Variants in KCNQ1 observed in about 807,000 individuals in gnomAD.
KCNQ1 encodes potassium voltage-gated channel subfamily KQT member 1.
A neutral mutation model predicts 72.4 loss-of-function variants in KCNQ1; 49 were observed. The ratio of observed to expected loss-of-function variants is 0.68; its 90% CI spans 0.54 to 0.86. The LOEUF is 0.86. KCNQ1 is among the 40% of genes least tolerant of loss of function. KCNQ1 has a pLI of 0.00. For missense variants in KCNQ1, 790 were observed against 945.1 expected, an observed-to-expected ratio of 0.84 and a Z score of 2.15; for synonymous variants, 450 against 412.6, an observed-to-expected ratio of 1.09 and a Z score of -1.10.
intron 7 of KCNQ1, among the ~76,000 whole-genome samples, chr11:2,583,748 G>T (rs1359861241): frequency 2.0e-5 from 3 of 152,230 alleles, no homozygotes; most frequent in African/African-American, 7.2e-5. Flanking sequence ...CCCCACTGGG[G>T]TCCTTGCAGG....
In KCNQ1 at chr11:2,686,690, C is replaced by A. The variant is rs1422465334; in HGVS notation, c.1514+24609C>A. 18 of 398,508 alleles carry A rather than the reference C, an allele frequency of 4.5e-5. 1 individual carries two copies. Among genetic ancestry groups the A allele is most frequent in the Non-Finnish European group, 6.6e-5 (15 of 226,096 alleles). The allele number at this position is 398,508 out of a possible 1,614,324, so 24.7% of individuals were successfully genotyped here. ...GTGTGGGTCCCAGTTGGATGACAAACCCATGTTCAAGGCTGGGAAGTCCTA... is the reference window on the plus strand; with the variant it reads ...GTGTGGGTCCCAGTTGGATGACAAAACCATGTTCAAGGCTGGGAAGTCCTA... On this transcript the variant is annotated intron_variant, in intron 11 of 15. Transcript: ENST00000155840.
rs112225903 is a variant in KCNQ1 at position 2,767,379 on chromosome 11, G to T, written c.1515-1465G>T. ...TACATTCCCCAGTACTCTTTCATCA[G>T]TGAAGTCACAAGGTGACCCCAAATT... On this transcript the variant is annotated intron_variant, in intron 11 of 15. Coordinates refer to ENST00000155840, the MANE Select transcript of KCNQ1 (RefSeq NM_000218.3). The surrounding 1 kb of genome is among the most constrained non-coding windows in gnomAD (Gnocchi z 4.6). Among the ~76,000 whole-genome samples, 1 of 152,114 alleles carries T rather than the reference G, an allele frequency of 6.6e-6. No homozygotes were observed. The highest frequency in any genetic ancestry group is 1.5e-5 in the Non-Finnish European group (1 of 68,030).
Position 2,493,416 on chromosome 11 carries a change from G to A in KCNQ1, c.387-34512G>A, listed in dbSNP as rs941236697. ...TTGCTCTTGGTGTTTTAGTCATGAA[G>A]TCCTTGCCCATGCCTATGTCCTGAA... On this transcript the variant is annotated intron_variant, in intron 1 of 15. Coordinates refer to ENST00000155840, the MANE Select transcript of KCNQ1 (RefSeq NM_000218.3). This position sits in a 1 kb window ranked among gnomAD's most constrained non-coding sequence, Gnocchi z 5.3. 6.6e-6 allele frequency among the ~76,000 whole-genome samples: 1 copy of A among 152,118 alleles called. No individual in the cohort carries two copies. The highest frequency in any genetic ancestry group is 1.5e-5 in the Non-Finnish European group (1 of 68,026).
At chr11:2,514,229 G>A (rs1241079646) in intron 1 of KCNQ1, among the ~76,000 whole-genome samples, 1 of 152,238 alleles carries the variant, frequency 6.6e-6, no homozygotes, top group Non-Finnish European at 1.5e-5. Flanking sequence ...TTCCGTGCAG[G>A]ACACTGGCTG....
At chr11:2,811,929 T>C (rs1248075897) in intron 15 of KCNQ1, among the ~76,000 whole-genome samples, 10 of 152,116 alleles carry the variant, frequency 6.6e-5, no homozygotes, top group African/African-American at 2.2e-4. Context: ...AGTGGGACAG[T>C]CCTCACAGGG....
At position 2,588,623 on chromosome 11, in the gene KCNQ1, T is replaced by G; in HGVS notation, c.1252-90T>G. On this transcript the variant is annotated intron_variant, in intron 9 of 15. Transcript: ENST00000155840. The surrounding 1 kb of genome is among the most constrained non-coding windows in gnomAD (Gnocchi z 5.6). ...CGGGTGTATGTGGCGGGGGCTGGGC[T>G]CGGGGCGGCTGCACAGGCACTCTGG... 6.5e-7 allele frequency: 1 copy of G among 1,532,452 alleles called. No homozygotes were observed. Among genetic ancestry groups the G allele is most frequent in the Non-Finnish European group, 8.9e-7 (1 of 1,118,774 alleles). 94.9% of individuals were successfully genotyped at this position (1,532,452 alleles called of 1,614,324 possible). A position where few individuals can be genotyped will look rare whatever the true frequency, so the allele number is the denominator to read the frequency against.
At chr11:2,719,620 G>A (rs1564870527) in intron 11 of KCNQ1, among the ~76,000 whole-genome samples, 1 of 152,170 alleles carries the variant, frequency 6.6e-6, no homozygotes, top group Admixed American at 6.5e-5. Context: ...TCACCCAAAT[G>A]CTGCCTGCTG....
In KCNQ1 at chr11:2,458,755, G is replaced by A. The variant is rs563110119; in HGVS notation, c.386+13271G>A. ...GGAAATACTCGGGCCAGAGGAACGCGCTAAATGATACTACAGGAGGCCACT... is the reference window on the plus strand; with the variant it reads ...GGAAATACTCGGGCCAGAGGAACGCACTAAATGATACTACAGGAGGCCACT... On this transcript the variant is annotated intron_variant, in intron 1 of 15. Transcript: ENST00000155840. This position sits in a 1 kb window ranked among gnomAD's most constrained non-coding sequence, Gnocchi z 4.6. 1.1e-4 allele frequency among the ~76,000 whole-genome samples: 17 copies of A among 152,288 alleles called. No homozygotes were observed. The highest frequency in any genetic ancestry group is 3.9e-4 in the East Asian group (2 of 5,180).
intron 10 of KCNQ1, chr11:2,616,571 C>A: frequency 2.5e-6 from 1 of 398,032 alleles, no homozygotes; most frequent in South Asian, 1.3e-4. Context: ...TCCCATAAGT[C>A]TGAGTATGTT....
In KCNQ1 at chr11:2,550,615, C is replaced by A. The variant is rs1259368908; in HGVS notation, c.478-20013C>A. On this transcript the variant is annotated intron_variant, in intron 2 of 15. Coordinates refer to ENST00000155840, the MANE Select transcript of KCNQ1 (RefSeq NM_000218.3). The surrounding 1 kb of genome is among the most constrained non-coding windows in gnomAD (Gnocchi z 6.0). ...TGAGCTGAGTGACCGGAAGAGGGGGCGCCTCCCTGAGCAGGTGAATGAAGG... is the reference window on the plus strand; with the variant it reads ...TGAGCTGAGTGACCGGAAGAGGGGGAGCCTCCCTGAGCAGGTGAATGAAGG... Among the ~76,000 whole-genome samples, 1 of 152,096 alleles carries A rather than the reference C, an allele frequency of 6.6e-6. No homozygotes were observed. The highest frequency in any genetic ancestry group is 6.5e-5 in the Admixed American group (1 of 15,278).
In KCNQ1 at chr11:2,700,745, C is replaced by T. The variant is rs375772717; in HGVS notation, c.1514+38664C>T. On this transcript the variant is annotated intron_variant, in intron 11 of 15. Transcript: ENST00000155840. ...AGCGCCGAGGGCGCCCCGCGCCTGCCAGCGCCCGGCCGGGCCCGCCCTGCC... is the reference window on the plus strand; with the variant it reads ...AGCGCCGAGGGCGCCCCGCGCCTGCTAGCGCCCGGCCGGGCCCGCCCTGCC... Among the ~76,000 whole-genome samples the T allele has an allele frequency of 9.4e-4, 143 of 152,244 alleles. 4 individuals carry two copies. In the South Asian group the frequency reaches 0.029, roughly 30 times the overall value.
rs1200376110 is a variant in KCNQ1, at chr11:2,683,930, TAGTC to T, written c.1514+21852_1514+21855del. On this transcript the variant is annotated intron_variant, in intron 11 of 15. Coordinates refer to ENST00000155840, the MANE Select transcript of KCNQ1 (RefSeq NM_000218.3). This position sits in a 1 kb window ranked among gnomAD's most constrained non-coding sequence, Gnocchi z 4.7. ...GGTGCATGCTCTGTGACACGTTTCATAGTCAGACAAAACCAGCTGACTGCTTTTA... is the reference window on the plus strand; with the variant it reads ...GGTGCATGCTCTGTGACACGTTTCATAGACAAAACCAGCTGACTGCTTTTA... 14 of 397,056 alleles carry T rather than the reference TAGTC, an allele frequency of 3.5e-5. No individual in the cohort carries two copies. Among genetic ancestry groups the T allele is most frequent in the South Asian group, 1.3e-4 (1 of 7,834 alleles). 24.6% of individuals were successfully genotyped at this position (397,056 alleles called of 1,614,324 possible).
rs1850261996 is a variant in KCNQ1, at chr11:2,674,803, A to AT, written c.1514+12722_1514+12723insT. 2.5e-6 allele frequency: 1 copy of AT among 396,158 alleles called. No homozygotes were observed. The highest frequency in any genetic ancestry group is 4.5e-5 in the Admixed American group (1 of 22,408). 24.5% of individuals were successfully genotyped at this position (396,158 alleles called of 1,614,324 possible). ...ACTCTCGCCAACTGCTGGCCTTTGG[A>AT]AAGGCTTGTCACCCTAATAGCTGTT... is the stretch of plus-strand genomic sequence containing the variant. On this transcript the variant is annotated intron_variant, in intron 11 of 15. Transcript: ENST00000155840. This position sits in a 1 kb window ranked among gnomAD's most constrained non-coding sequence, Gnocchi z 5.9.
At chr11:2,616,495 CCTT>C (rs1046572223) in intron 10 of KCNQ1, 24 of 397,324 alleles carry the variant, frequency 6.0e-5, no homozygotes, top group African/African-American at 3.9e-4. Flanking sequence ...GGTTATGGAT[CCTT>C]CTTCTTTTTC....
chr11:2,841,292 G>T (rs542840376), intron 15 of KCNQ1, among the ~76,000 whole-genome samples: 120 of 152,308 alleles, frequency 7.9e-4, no homozygotes, highest in African/African-American at 2.9e-3. Flanking sequence ...ACTGCAAAAG[G>T]AGACTGGATT....
rs1397122233 is a variant in KCNQ1, at chr11:2,492,500, C to T, written c.387-35428C>T. Among the ~76,000 whole-genome samples, 1 of 152,106 alleles carries T rather than the reference C, an allele frequency of 6.6e-6. No individual in the cohort carries two copies. The highest frequency in any genetic ancestry group is 1.5e-5 in the Non-Finnish European group (1 of 68,032). On this transcript the variant is annotated intron_variant, in intron 1 of 15. Coordinates refer to ENST00000155840, the MANE Select transcript of KCNQ1 (RefSeq NM_000218.3). This position sits in a 1 kb window ranked among gnomAD's most constrained non-coding sequence, Gnocchi z 4.1. ...TGCATTAGGTATTTGTCCTAATGCT[C>T]TCCCTCCCCTTGGCCCCCATCTCCC...
chr11:2,583,906 T>TG (rs59383357), intron 7 of KCNQ1, among the ~76,000 whole-genome samples: 10,729 of 152,162 alleles, frequency 0.071, 1,239 homozygotes, highest in African/African-American at 0.24. Context: ...ACGCTGTGGC[T>TG]GGGGGGGTTT....
chr11:2,454,798 C>T (rs992103496), intron 1 of KCNQ1, among the ~76,000 whole-genome samples: 2 of 152,228 alleles, frequency 1.3e-5, no homozygotes, highest in East Asian at 3.9e-4. Flanking sequence ...ATGACAAACC[C>T]ATGGTAAATG....
chr11:2,629,881 T>C, intron 10 of KCNQ1: 1 of 398,230 alleles, frequency 2.5e-6, no homozygotes. Flanking sequence ...GAGACAATTT[T>C]ACTTCCTTCT....
Sources: allele counts gnomAD v4.1 joint callset (sites outside exome capture counted in the v4.1 genomes callset), GRCh38; gene constraint gnomAD v4.1.1; non-coding constraint Gnocchi (gnomAD v3.1); transcripts MANE v1.5; gene names NCBI Gene and HGNC (gene_info 2026-07-23, HGNC 2026-07-21).